The following CRB1 variants were observed in gnomAD, a reference collection of about 807,000 sequenced individuals.
The protein encoded by CRB1 is protein crumbs homolog 1.
A neutral mutation model predicts 120.0 loss-of-function variants in CRB1; 83 were observed. That is an observed-to-expected ratio of 0.69 (90% CI 0.58 to 0.83). CRB1 has a LOEUF of 0.83. CRB1 is among the 40% of genes least tolerant of loss of function. The probability of loss-of-function intolerance (pLI) is 0.00; values close to 1 mark genes in which losing one functional copy is unlikely to be tolerated. For missense variants in CRB1, 1,699 were observed against 1,687.6 expected (o/e 1.01, Z -0.12); for synonymous variants, 625 against 612.5 (o/e 1.02, Z -0.30).
At chr1:197,429,125 C>T (rs1664746057) in intron 7 of CRB1, 2 of 1,532,386 alleles carry the variant, frequency 1.3e-6, no homozygotes, top group South Asian at 1.2e-5. Context: ...ATCCCTTCCT[C>T]AAATGATAAT....
At chr1:197,390,526 T>G (rs1417812042) in intron 5 of CRB1, among the ~76,000 whole-genome samples, 1 of 152,042 alleles carries the variant, frequency 6.6e-6, no homozygotes, top group African/African-American at 2.4e-5. Flanking sequence ...TTTCATATCA[T>G]AGGTATGTTC....
At position 197,344,357 on chromosome 1, in the gene CRB1, G is replaced by A; in HGVS notation, c.729G>A (p.Leu243=). The A allele has an allele frequency of 6.2e-7, 1 of 1,614,092 alleles. No individual in the cohort carries two copies. The highest frequency in any genetic ancestry group is 8.5e-7 in the Non-Finnish European group (1 of 1,179,962). Residue 243 remains leucine, a synonymous_variant, in exon 3 of 12, where the codon CTG becomes CTA. Transcript: ENST00000367400. ...CLNGATCQDA[L]GAYFCDCAPG... is the part of the protein sequence containing the mutation. ...ATGGTGCAACTTGTCAGGATGCTCT[G>A]GGGGCCTATTTCTGCGACTGTGCCC...
At chr1:197,456,486 C>G (rs1330633592) in intron 11 of CRB1, among the ~76,000 whole-genome samples, 3 of 151,990 alleles carry the variant, frequency 2.0e-5, no homozygotes, top group Non-Finnish European at 4.4e-5. Flanking sequence ...AAAATTGTCC[C>G]ATTTCCCTTT....
At chr1:197,424,786 A>T (rs1664501108) in intron 6 of CRB1, among the ~76,000 whole-genome samples, 1 of 152,128 alleles carries the variant, frequency 6.6e-6, no homozygotes, top group Non-Finnish European at 1.5e-5. Context: ...GTTAAATTTC[A>T]TCTTGTTGTA....
chr1:197,386,437 T>C (rs1339667792), intron 5 of CRB1, among the ~76,000 whole-genome samples: 1 of 152,118 alleles, frequency 6.6e-6, no homozygotes, highest in East Asian at 1.9e-4. Context: ...TCAATTTAGA[T>C]TGCAGACCAA....
chr1:197,328,686 G>T lies in CRB1; in HGVS notation c.335G>T (p.Gly112Val). 3 of 1,613,626 alleles carry T rather than the reference G, an allele frequency of 1.9e-6. No homozygotes were observed. Among genetic ancestry groups the T allele is most frequent in the South Asian group, 1.1e-5 (1 of 91,052 alleles). ...YSGTICETTIGSCGKNSCQHG... is the reference protein window; with the variant it reads ...YSGTICETTIVSCGKNSCQHG... The stretch of plus-strand genomic sequence containing the variant: ...GGGACAATCTGTGAAACTACCATTG[G>T]TTCCTGTGGCAAGAACTCCTGCCAA... The change falls in exon 2 of 12, where the codon GGT (glycine) becomes GTT (valine). Residue 112 changes from glycine (G) to valine (V), a missense_variant. Coordinates refer to ENST00000367400, the MANE Select transcript of CRB1 (RefSeq NM_201253.3).
At chr1:197,322,463 A>AAATAAT (rs527686372) in intron 1 of CRB1, among the ~76,000 whole-genome samples, 67 of 150,242 alleles carry the variant, frequency 4.5e-4, no homozygotes, top group East Asian at 7.8e-4. Flanking sequence ...ACTCTGTCTC[A>AAATAAT]AATAATAATA....
intron 1 of CRB1, among the ~76,000 whole-genome samples, chr1:197,310,927 A>G (rs1164464407): frequency 1.3e-5 from 2 of 152,228 alleles, no homozygotes; most frequent in Admixed American, 1.3e-4. Context: ...TCTCCCATGG[A>G]GATGAAGACA....
At chr1:197,201,583 G>A in the CRB1 span, among the ~76,000 whole-genome samples, 2 of 152,206 alleles carry the variant, frequency 1.3e-5, no homozygotes, top group Admixed American at 6.5e-5. Context: ...TACCCCGATC[G>A]AAACCGTGAG....
At chr1:197,463,967 C>T in intron 11 of CRB1, among the ~76,000 whole-genome samples, 1 of 152,130 alleles carries the variant, frequency 6.6e-6, no homozygotes, top group East Asian at 1.9e-4. Flanking sequence ...CAAATAGCAG[C>T]AAACGAATTT....
At chr1:197,242,409 G>A in the CRB1 span, among the ~76,000 whole-genome samples, 2 of 152,134 alleles carry the variant, frequency 1.3e-5, no homozygotes, top group East Asian at 3.9e-4. Flanking sequence ...TTTATCAAAG[G>A]CCTTTTCTGC....
chr1:197,282,845 C>G (rs1196091611), intron 1 of CRB1, among the ~76,000 whole-genome samples: 3 of 151,856 alleles, frequency 2.0e-5, no homozygotes, highest in Admixed American at 2.0e-4. Flanking sequence ...CTCATAGGTT[C>G]TTTTCTTCTC....
At chr1:197,226,093 G>C in the CRB1 span, among the ~76,000 whole-genome samples, 2 of 151,974 alleles carry the variant, frequency 1.3e-5, no homozygotes, top group African/African-American at 4.8e-5. Context: ...TGGAGATGTG[G>C]AGATGGGGTT....
intron 5 of CRB1, among the ~76,000 whole-genome samples, chr1:197,415,276 A>G (rs1264419240): frequency 3.3e-5 from 5 of 152,230 alleles, no homozygotes; most frequent in Admixed American, 3.3e-4. Flanking sequence ...ATAGCTGCCT[A>G]GTTGGTCTTC....
At chr1:197,437,981 C>A (rs1665242554) in intron 9 of CRB1, 1 of 155,438 alleles carries the variant, frequency 6.4e-6, no homozygotes, top group South Asian at 2.0e-4. Context: ...GAGAGCCACA[C>A]TCTGAATTCA....
rs1662019396 is a variant in CRB1 at position 197,382,732 on chromosome 1, C to A, written c.1171+25719C>A. Reference sequence around the variant, plus strand: ...GTCCAATAACAAAAAATTCTGGTCACATATTCAGCAAAGATTTATTAGGAG... The same window carrying A: ...GTCCAATAACAAAAAATTCTGGTCAAATATTCAGCAAAGATTTATTAGGAG... On this transcript the variant is annotated intron_variant, in intron 5 of 11. Transcript: ENST00000367400. Among the ~76,000 whole-genome samples the A allele has an allele frequency of 3.3e-5, 5 of 152,156 alleles. No homozygotes were observed. The South Asian group carries it at 1.0e-3, about 32-fold the overall frequency.
intron 5 of CRB1, among the ~76,000 whole-genome samples, chr1:197,363,368 G>A (rs57938039): frequency 6.7e-4 from 101 of 151,738 alleles, no homozygotes; most frequent in African/African-American, 2.4e-3. Flanking sequence ...GCTTTCTTTA[G>A]CCATTCTATG....
chr1:197,461,618 C>T (rs1666534516), intron 11 of CRB1, among the ~76,000 whole-genome samples: 1 of 152,114 alleles, frequency 6.6e-6, no homozygotes, highest in Non-Finnish European at 1.5e-5. Context: ...GGTCAATTTC[C>T]TTTTAAAGAC....
rs145777215 is a variant in CRB1 at position 197,341,936 on chromosome 1, G to A, written c.653-2345G>A. On this transcript the variant is annotated intron_variant, in intron 2 of 11. Coordinates refer to ENST00000367400, the MANE Select transcript of CRB1 (RefSeq NM_201253.3). ...AAGGATGGCTTCCTTGGGTGGACAA[G>A]GGGGAAAAAGCATTCCAGACAGAGA... 6.4e-4 allele frequency among the ~76,000 whole-genome samples: 98 copies of A among 152,310 alleles called. No individual in the cohort carries two copies. The East Asian group carries it at 0.018, about 28-fold the overall frequency.
Sources: allele counts gnomAD v4.1 joint callset (sites outside exome capture counted in the v4.1 genomes callset), GRCh38; gene constraint gnomAD v4.1.1; transcripts MANE v1.5; gene names NCBI Gene and HGNC (gene_info 2026-07-23, HGNC 2026-07-21).